KCNH1: variants seen among roughly 807,000 people sequenced by gnomAD.
KCNH1 encodes the protein voltage-gated delayed rectifier potassium channel KCNH1.
KCNH1 carries 27 observed loss-of-function variants against 69.2 expected under a neutral mutation model. The observed-to-expected ratio is 0.39, with a 90% CI of 0.29 to 0.54. The LOEUF is 0.54. Among genes scored for constraint, KCNH1 ranks in the 20% least tolerant of loss-of-function variants. KCNH1 has a pLI of 0.68. For missense variants in KCNH1, 798 were observed against 1,261.6 expected (o/e 0.63, Z 5.57); for synonymous variants, 456 against 487.7 (o/e 0.93, Z 0.86).
intron 3 of KCNH1, among the ~76,000 whole-genome samples, chr1:211,091,457 T>C (rs1269524545): frequency 6.6e-6 from 1 of 152,080 alleles, no homozygotes; most frequent in Non-Finnish European, 1.5e-5. Context: ...CATAAGCCAC[T>C]GCATCCGGCC....
intron 5 of KCNH1, among the ~76,000 whole-genome samples, chr1:211,059,466 G>A (rs1690381361): frequency 6.6e-6 from 1 of 151,892 alleles, no homozygotes; most frequent in South Asian, 2.1e-4. Flanking sequence ...CCTGGGGCTG[G>A]GCACGGTGGC....
At chr1:211,019,331 G>A in intron 5 of KCNH1, 75 bp from the exon 6 acceptor site, 1 of 920,450 alleles carries the variant, frequency 1.1e-6, no homozygotes, top group South Asian at 1.6e-5. Flanking sequence ...CAGCATCAGT[G>A]ATTGACAAAT....
chr1:211,068,435 G>A (rs544048892), intron 5 of KCNH1, among the ~76,000 whole-genome samples: 24 of 151,578 alleles, frequency 1.6e-4, no homozygotes, highest in African/African-American at 5.1e-4. Context: ...TTGCTCTGTC[G>A]CCCAGGCTGG....
At chr1:211,113,077 C>T (rs767495627) in intron 1 of KCNH1, among the ~76,000 whole-genome samples, 3 of 152,044 alleles carry the variant, frequency 2.0e-5, no homozygotes, top group Non-Finnish European at 4.4e-5. Flanking sequence ...AAGTACTTTA[C>T]CATATATCAT....
intron 7 of KCNH1, among the ~76,000 whole-genome samples, chr1:210,864,328 T>C (rs1169740222): frequency 6.6e-6 from 1 of 152,132 alleles, no homozygotes; most frequent in Non-Finnish European, 1.5e-5. Context: ...GACTAAGGCA[T>C]TGCAGGACTG....
intron 7 of KCNH1, among the ~76,000 whole-genome samples, chr1:210,906,791 C>T (rs1027304165): frequency 9.2e-5 from 14 of 152,140 alleles, no homozygotes; most frequent in African/African-American, 3.4e-4. Context: ...GGCTCTAGAG[C>T]AGGTACTGCT....
intron 9 of KCNH1, among the ~76,000 whole-genome samples, chr1:210,785,353 ACTT>A (rs1684074726): frequency 6.6e-6 from 1 of 151,766 alleles, no homozygotes; most frequent in African/African-American, 2.4e-5. Context: ...TATCAACTAA[ACTT>A]CTTGGTAGTC....
At chr1:210,735,520 A>C (rs1287310541) in intron 10 of KCNH1, among the ~76,000 whole-genome samples, 1 of 151,446 alleles carries the variant, frequency 6.6e-6, no homozygotes, top group Non-Finnish European at 1.5e-5. Flanking sequence ...GATGAAAGAT[A>C]TATTTGCCTA....
intron 7 of KCNH1, among the ~76,000 whole-genome samples, chr1:210,832,788 C>T (rs1685189025): frequency 1.3e-5 from 2 of 151,468 alleles, no homozygotes; most frequent in Non-Finnish European, 2.9e-5. Flanking sequence ...CAGAGAAGAC[C>T]GCAGATAGTC....
intron 9 of KCNH1, among the ~76,000 whole-genome samples, chr1:210,794,118 G>T (rs1378171617): frequency 2.0e-5 from 3 of 152,194 alleles, no homozygotes; most frequent in Non-Finnish European, 4.4e-5. Flanking sequence ...TTGACCAAAA[G>T]ATATGCTAAT....
chr1:211,112,593 A>G (rs947963079), intron 1 of KCNH1, among the ~76,000 whole-genome samples: 6 of 152,028 alleles, frequency 3.9e-5, no homozygotes, highest in African/African-American at 1.4e-4. Context: ...TAGGAATAGA[A>G]TCATCAGCCT....
In KCNH1 at chr1:210,683,753, T is replaced by C; in HGVS notation, c.2498A>G (p.Lys833Arg). 2.5e-6 allele frequency: 4 copies of C among 1,614,082 alleles called. No individual in the cohort carries two copies. Among genetic ancestry groups the C allele is most frequent in the Non-Finnish European group, 3.4e-6 (4 of 1,180,038 alleles). The change falls in exon 11 of 11, where the codon AAG becomes AGG. Residue 833 changes from lysine (K) to arginine (R), a missense_variant. Coordinates refer to ENST00000271751, the MANE Select transcript of KCNH1 (RefSeq NM_172362.3). The surrounding 1 kb of genome is among the most constrained non-coding windows in gnomAD (Gnocchi z 5.7). ...GPKGGGGDCA[K>R]RKSWARFKDA... is the part of the protein sequence containing the mutation. ...TTTGAAGCGGGCCCAGCTTTTGCGC[T>C]TGGCACAATCGCCCCCGCCCCCCTT...
At chr1:210,943,557 T>C (rs1186385842) in intron 6 of KCNH1, among the ~76,000 whole-genome samples, 1 of 152,072 alleles carries the variant, frequency 6.6e-6, no homozygotes. Flanking sequence ...TTTCACCATG[T>C]TAGCCAGGAT....
intron 10 of KCNH1, among the ~76,000 whole-genome samples, chr1:210,692,759 C>G (rs952006330): frequency 8.5e-5 from 13 of 152,126 alleles, no homozygotes; most frequent in African/African-American, 3.1e-4. Flanking sequence ...CAAGGATTGC[C>G]GACAGCAACC....
chr1:210,770,669 T>A (rs1683736572), intron 10 of KCNH1, among the ~76,000 whole-genome samples: 2 of 152,238 alleles, frequency 1.3e-5, no homozygotes, highest in Admixed American at 6.5e-5. Context: ...ATTTGTCACA[T>A]CTCCCAACCT....
chr1:210,946,654 C>T (rs941258306), intron 6 of KCNH1, among the ~76,000 whole-genome samples: 3 of 152,182 alleles, frequency 2.0e-5, no homozygotes, highest in African/African-American at 7.2e-5. Flanking sequence ...CAGCACCTCA[C>T]TGCCACCCAT....
intron 10 of KCNH1, among the ~76,000 whole-genome samples, chr1:210,694,141 T>C (rs1681585828): frequency 6.6e-6 from 1 of 152,182 alleles, no homozygotes; most frequent in African/African-American, 2.4e-5. Context: ...CCCTTCACTC[T>C]GACAGTGCAT....
In KCNH1 at chr1:210,679,474, A is replaced by G. The variant is rs1354397402; in HGVS notation, c.*3807T>C. 2 of 152,244 alleles carry G rather than the reference A, an allele frequency of 1.3e-5. No homozygotes were observed. Among genetic ancestry groups the G allele is most frequent in the Non-Finnish European group, 2.9e-5 (2 of 68,064 alleles). 9.4% of individuals were successfully genotyped at this position (152,244 alleles called of 1,614,324 possible). On this transcript the variant is annotated 3_prime_UTR_variant, in exon 11 of 11. Coordinates refer to ENST00000271751, the MANE Select transcript of KCNH1 (RefSeq NM_172362.3). ...GCTCCTAAAATTTCCCAGAGTATGCATGGGAGACATAGTGGTCAGTGCAAC... is the reference window on the plus strand; with the variant it reads ...GCTCCTAAAATTTCCCAGAGTATGCGTGGGAGACATAGTGGTCAGTGCAAC...
chr1:211,003,097 G>A (rs1689219627), intron 6 of KCNH1, among the ~76,000 whole-genome samples: 1 of 151,718 alleles, frequency 6.6e-6, no homozygotes, highest in Non-Finnish European at 1.5e-5. Flanking sequence ...GAAGAAGAGG[G>A]GAGGAAAGGA....
Sources: gnomAD v4.1 joint callset for allele counts (sites outside exome capture counted in the v4.1 genomes callset) on GRCh38, gnomAD v4.1.1 for gene constraint, Gnocchi (gnomAD v3.1) non-coding constraint, MANE v1.5 for transcripts, NCBI Gene and HGNC (gene_info 2026-07-23, HGNC 2026-07-21) for gene names.